The following GLRA1 variants were observed in gnomAD, a reference collection of about 807,000 sequenced individuals.
GLRA1 encodes glycine receptor alpha 1.
In GLRA1, 37 loss-of-function variants were observed where a neutral mutation model predicts 48.3. That is an observed-to-expected ratio of 0.77 (90% CI 0.59 to 1.01). The LOEUF is 1.01. Ranked by LOEUF, GLRA1 falls within the 50% of genes least tolerant of loss-of-function variation. The pLI, the probability that GLRA1 is intolerant of heterozygous loss-of-function variation, is 0.00. For missense variants in GLRA1, 427 were observed against 571.0 expected, an observed-to-expected ratio of 0.75 and a Z score of 2.57; for synonymous variants, 196 against 210.7, an observed-to-expected ratio of 0.93 and a Z score of 0.60.
intron 3 of GLRA1, among the ~76,000 whole-genome samples, chr5:151,876,951 G>A (rs1581637330): frequency 6.6e-6 from 1 of 151,902 alleles, no homozygotes; most frequent in Admixed American, 6.6e-5. Flanking sequence ...CTCTCTCTCT[G>A]TCTCTCTTTG....
At chr5:151,907,513 G>T (rs897340840) in intron 1 of GLRA1, among the ~76,000 whole-genome samples, 4 of 152,204 alleles carry the variant, frequency 2.6e-5, no homozygotes, top group Admixed American at 6.5e-5. Context: ...TTAAGCAATA[G>T]AATAGACATT....
chr5:151,923,324 T>A (rs1754924802), intron 1 of GLRA1, among the ~76,000 whole-genome samples: 1 of 152,200 alleles, frequency 6.6e-6, no homozygotes, highest in South Asian at 2.1e-4. Context: ...TCCTATGAAC[T>A]GTAATAAAAC....
intron 1 of GLRA1, among the ~76,000 whole-genome samples, chr5:151,894,874 TG>T (rs748504041): frequency 6.6e-6 from 1 of 152,244 alleles, no homozygotes; most frequent in Non-Finnish European, 1.5e-5. Context: ...GGTATTGCTT[TG>T]AAGATTCGGA....
chr5:151,899,387 T>A (rs561283089), intron 1 of GLRA1, among the ~76,000 whole-genome samples: 29 of 152,286 alleles, frequency 1.9e-4, no homozygotes, highest in African/African-American at 6.7e-4. Context: ...TCAAATTGTG[T>A]ATTCAGGGGA....
intron 7 of GLRA1, among the ~76,000 whole-genome samples, chr5:151,833,373 A>G (rs1763474770): frequency 6.6e-6 from 1 of 152,228 alleles, no homozygotes; most frequent in African/African-American, 2.4e-5. Context: ...TAAAGAATCA[A>G]GACTCATCAG....
rs2113398266 is a variant in GLRA1 at position 151,882,046 on chromosome 5, T to G, written c.252+4675A>C. Among the ~76,000 whole-genome samples the G allele has an allele frequency of 1.3e-5, 2 of 152,232 alleles. 1 individual carries two copies. Among genetic ancestry groups the G allele is most frequent in the Admixed American group, 1.3e-4 (2 of 15,296 alleles). Reference sequence around the variant, plus strand: ...AGCCTGGGCTGACTATGCCACTAATTAGCTGTGTGTGTGTGTGTCCATGGG... The same window carrying G: ...AGCCTGGGCTGACTATGCCACTAATGAGCTGTGTGTGTGTGTGTCCATGGG... On this transcript the variant is annotated intron_variant, in intron 3 of 8. Transcript: ENST00000274576.
chr5:151,886,314 T>C (rs868140369), intron 3 of GLRA1, among the ~76,000 whole-genome samples: 13 of 152,338 alleles, frequency 8.5e-5, no homozygotes, highest in Middle Eastern at 3.4e-3. Context: ...AAGTTTTAAA[T>C]GTATTCAACA....
intron 1 of GLRA1, among the ~76,000 whole-genome samples, chr5:151,914,539 G>A (rs758001217): frequency 6.6e-6 from 1 of 152,100 alleles, no homozygotes; most frequent in Non-Finnish European, 1.5e-5. Context: ...TGAGTATAAG[G>A]GACCAAGACT....
At chr5:151,830,194 A>G (rs762347539) in intron 7 of GLRA1, among the ~76,000 whole-genome samples, 3 of 152,174 alleles carry the variant, frequency 2.0e-5, no homozygotes, top group East Asian at 1.9e-4. Flanking sequence ...AGCTTCTTCA[A>G]TGCCTCATTC....
intron 8 of GLRA1, among the ~76,000 whole-genome samples, chr5:151,825,342 G>A (rs558043518): frequency 2.6e-5 from 4 of 152,146 alleles, no homozygotes; most frequent in East Asian, 1.9e-4. Flanking sequence ...ACCTAGTTAC[G>A]TAGGGGGAAG....
intron 3 of GLRA1, among the ~76,000 whole-genome samples, chr5:151,866,980 G>A (rs932574625): frequency 2.0e-5 from 3 of 152,130 alleles, no homozygotes; most frequent in Non-Finnish European, 2.9e-5. Context: ...GCCTGGTGGT[G>A]CACGACTGTA....
intron 7 of GLRA1, among the ~76,000 whole-genome samples, chr5:151,834,828 C>T (rs1270616256): frequency 1.3e-5 from 2 of 151,520 alleles, no homozygotes; most frequent in African/African-American, 4.9e-5. Flanking sequence ...GAGATCAAGA[C>T]CATCCTGGCT....
In GLRA1 at chr5:151,851,477, A is replaced by G. The variant is rs1752908964; in HGVS notation, c.825T>C (p.Asp275=). The G allele has an allele frequency of 6.2e-7, 1 of 1,613,948 alleles. No individual in the cohort carries two copies. The highest frequency in any genetic ancestry group is 1.3e-5 in the African/African-American group (1 of 74,932). The change falls in exon 7 of 9, where the codon GAT becomes GAC. Residue 275 remains aspartate, a synonymous_variant. Coordinates refer to ENST00000274576, the MANE Select transcript of GLRA1 (RefSeq NM_000171.4). ...CTAGGCCCACACGAGCAGGTGCAGC[A>G]TCCATGTTGATCCAGAAGGAGATCC... The part of the protein sequence containing the change: ...LSWISFWINM[D]AAPARVGLGI...
intron 8 of GLRA1, among the ~76,000 whole-genome samples, chr5:151,825,217 C>T (rs916747971): frequency 6.6e-6 from 1 of 152,114 alleles, no homozygotes; most frequent in Non-Finnish European, 1.5e-5. Context: ...AATTGCTGGA[C>T]CTAGTACTTA....
At chr5:151,851,198 T>C (rs541521991) in intron 7 of GLRA1, among the ~76,000 whole-genome samples, 192 bp downstream of exon 7, 1 of 152,290 alleles carries the variant, frequency 6.6e-6, no homozygotes, top group East Asian at 1.9e-4. Context: ...TTGAACATAA[T>C]GTTGAGTCTG....
chr5:151,864,613 C>A (rs1330155205), intron 3 of GLRA1, among the ~76,000 whole-genome samples: 1 of 152,240 alleles, frequency 6.6e-6, no homozygotes, highest in Non-Finnish European at 1.5e-5. Flanking sequence ...CAGGCAAATT[C>A]TGCCTTCTCA....
intron 1 of GLRA1, among the ~76,000 whole-genome samples, chr5:151,911,221 G>A (rs1445099911): frequency 6.6e-6 from 1 of 152,136 alleles, no homozygotes; most frequent in Non-Finnish European, 1.5e-5. Context: ...TGGTAAATTA[G>A]TCATTCTTTA....
At chr5:151,863,297 C>T (rs1024134693) in intron 3 of GLRA1, among the ~76,000 whole-genome samples, 1 of 152,054 alleles carries the variant, frequency 6.6e-6, no homozygotes, top group African/African-American at 2.4e-5. Flanking sequence ...GTACAGTAGC[C>T]TGTAGTCCCA....
At chr5:151,904,631 A>G (rs1211038926) in intron 1 of GLRA1, among the ~76,000 whole-genome samples, 1 of 152,216 alleles carries the variant, frequency 6.6e-6, no homozygotes, top group Non-Finnish European at 1.5e-5. Context: ...GCCTCAAATC[A>G]GGCTCTGGCT....
Sources: allele counts gnomAD v4.1 joint callset (sites outside exome capture counted in the v4.1 genomes callset), GRCh38; gene constraint gnomAD v4.1.1; transcripts MANE v1.5; gene names NCBI Gene and HGNC (gene_info 2026-07-23, HGNC 2026-07-21).